Variants in XRCC6 observed in about 807,000 individuals in gnomAD.
XRCC6 encodes the protein DNA repair protein Ku70.
XRCC6 carries 5 observed loss-of-function variants against 65.7 expected under a neutral mutation model. The observed-to-expected ratio is 0.08, with a 90% CI of 0.04 to 0.16. The LOEUF (loss-of-function observed/expected upper bound fraction) is 0.16, where lower values mean the gene tolerates loss of function less well. Ranked by LOEUF, XRCC6 falls within the 10% of genes least tolerant of loss-of-function variation. The probability of loss-of-function intolerance (pLI) is 1.00; values close to 1 mark genes in which losing one functional copy is unlikely to be tolerated. For synonymous variants in XRCC6, 270 were observed against 270.6 expected, an observed-to-expected ratio of 1.00 and a Z score of 0.02; for missense variants, 447 against 738.1, an observed-to-expected ratio of 0.61 and a Z score of 4.57.
chr22:41,631,875 C>T (rs189142440), intron 3 of XRCC6, among the ~76,000 whole-genome samples: 2,892 of 152,250 alleles, frequency 0.019, 85 homozygotes, highest in African/African-American at 0.065. Flanking sequence ...TCTGCAATCC[C>T]GGCACCTCCG....
chr22:41,637,926 C>T, intron 6 of XRCC6, 135 bp downstream of exon 6: 1 of 859,156 alleles, frequency 1.2e-6, no homozygotes, highest in South Asian at 2.5e-5. Context: ...GGAGTTGAGA[C>T]CAGCTTGGGC....
intron 9 of XRCC6, among the ~76,000 whole-genome samples, chr22:41,655,689 ACT>A (rs1213464737): frequency 2.1e-5 from 3 of 145,684 alleles, no homozygotes; most frequent in Non-Finnish European, 4.5e-5. Flanking sequence ...ACAGAGCGAG[ACT>A]CTGTCTCAAA....
chr22:41,633,609 C>T (rs1356039064), intron 3 of XRCC6, among the ~76,000 whole-genome samples: 1 of 152,104 alleles, frequency 6.6e-6, no homozygotes, highest in East Asian at 1.9e-4. Flanking sequence ...TCTCCATCTC[C>T]TGACCTCGTG....
At chr22:41,633,398 T>A (rs1246435814) in intron 3 of XRCC6, among the ~76,000 whole-genome samples, 1 of 133,138 alleles carries the variant, frequency 7.5e-6, no homozygotes, top group African/African-American at 3.1e-5. Flanking sequence ...CGTGGACCTA[T>A]TTTTTTTTTT....
chr22:41,641,517 A>G (rs1264283303), intron 6 of XRCC6, among the ~76,000 whole-genome samples: 3 of 152,140 alleles, frequency 2.0e-5, no homozygotes, highest in East Asian at 3.9e-4. Context: ...TATTGACTAT[A>G]GTCACCCTGA....
At chr22:41,638,404 A>G (rs2067834389) in intron 6 of XRCC6, among the ~76,000 whole-genome samples, 1 of 152,184 alleles carries the variant, frequency 6.6e-6, no homozygotes, top group Non-Finnish European at 1.5e-5. Context: ...ACAAACCTGT[A>G]TAGCATATTA....
chr22:41,658,430 C>T, intron 11 of XRCC6, 78 bp downstream of exon 11: 1 of 1,349,210 alleles, frequency 7.4e-7, no homozygotes, highest in East Asian at 2.3e-5. Flanking sequence ...AATTTGGGTG[C>T]ATTTCCCAGT....
At chr22:41,638,692 C>T (rs1443329527) in intron 6 of XRCC6, among the ~76,000 whole-genome samples, 3 of 146,532 alleles carry the variant, frequency 2.0e-5, no homozygotes, top group Admixed American at 1.4e-4. Flanking sequence ...GGCTGAGAAT[C>T]GCTTGAACCC....
chr22:41,644,411 GTTCT>G (rs2067910085), intron 6 of XRCC6, among the ~76,000 whole-genome samples: 1 of 151,830 alleles, frequency 6.6e-6, no homozygotes, highest in Admixed American at 6.6e-5. Context: ...GTTATTTTAC[GTTCT>G]TTTTTTCCCC....
chr22:41,647,966 G>C (rs78392319), intron 7 of XRCC6: 1 of 143,630 alleles, frequency 7.0e-6, no homozygotes, highest in African/African-American at 2.5e-5. Flanking sequence ...TTTCATATGT[G>C]CATCTTTCCT....
At chr22:41,652,966 C>T (rs572281087) in intron 8 of XRCC6, among the ~76,000 whole-genome samples, 3 of 152,286 alleles carry the variant, frequency 2.0e-5, no homozygotes, top group African/African-American at 7.2e-5. Context: ...GCCACCATGC[C>T]CGGCCATAAT....
chr22:41,645,410 A>G (rs891961507), intron 6 of XRCC6, among the ~76,000 whole-genome samples: 12 of 152,158 alleles, frequency 7.9e-5, no homozygotes, highest in African/African-American at 2.9e-4. Context: ...GCAGGAACTA[A>G]TGACAGTGTC....
In XRCC6 at chr22:41,658,303, G is replaced by A; in HGVS notation, c.1473G>A (p.Glu491=). 6.2e-7 allele frequency: 1 copy of A among 1,614,072 alleles called. No homozygotes were observed. The highest frequency in any genetic ancestry group is 8.5e-7 in the Non-Finnish European group (1 of 1,180,004). The change falls in exon 11 of 13, where the codon GAG becomes GAA. Residue 491 remains glutamate (E), a synonymous_variant. Coordinates refer to ENST00000360079, the MANE Select transcript of XRCC6 (RefSeq NM_001469.5). The stretch of plus-strand genomic sequence containing the variant: ...TGCAGCAGCACTTCAGGAACCTGGA[G>A]GCCTTGGCCTTGGATTTGATGGAGC... ...PVLQQHFRNL[E]ALALDLMEPE... is the part of the protein sequence containing the mutation.
chr22:41,649,280 C>T (rs1229029237), intron 7 of XRCC6, among the ~76,000 whole-genome samples: 3 of 150,536 alleles, frequency 2.0e-5, no homozygotes, highest in African/African-American at 7.3e-5. Flanking sequence ...GATCCTCCCA[C>T]CTCAGCCACC....
At position 41,663,959 on chromosome 22, in the gene XRCC6, G is replaced by T; in HGVS notation, c.*144G>T. The T allele has an allele frequency of 1.1e-6, 1 of 884,434 alleles. No homozygotes were observed. Among genetic ancestry groups the T allele is most frequent in the African/African-American group, 1.7e-5 (1 of 59,268 alleles). 54.8% of individuals were successfully genotyped at this position (884,434 alleles called of 1,614,324 possible). ...GGACTTTATGTTTTTGAGGCTTTCTGTTGCCATGGTGATGGTGTAGCCCTC... is the reference window on the plus strand; with the variant it reads ...GGACTTTATGTTTTTGAGGCTTTCTTTTGCCATGGTGATGGTGTAGCCCTC... On this transcript the variant is annotated 3_prime_UTR_variant, in exon 13 of 13. Transcript: ENST00000360079.
chr22:41,653,961 A>G (rs560038263), intron 9 of XRCC6, among the ~76,000 whole-genome samples: 49 of 152,154 alleles, frequency 3.2e-4, no homozygotes, highest in Non-Finnish European at 4.4e-4. Flanking sequence ...GATTACTGAC[A>G]CAAGTTCTTG....
chr22:41,637,511 G>T, intron 5 of XRCC6, 97 bp from the exon 6 acceptor site: 1 of 1,131,650 alleles, frequency 8.8e-7, no homozygotes, highest in Non-Finnish European at 1.2e-6. Context: ...TAGTTTTCAG[G>T]GAGCTTTTAA....
Position 41,650,818 on chromosome 22 carries a change from G to A in XRCC6, c.1056G>A (p.Pro352=), listed in dbSNP as rs550596546. 2.1e-5 allele frequency: 34 copies of A among 1,613,994 alleles called. No homozygotes were observed. The East Asian group carries it at 4.9e-4, about 23-fold the overall frequency. ...GTTTGATGCTCATGGGTTTCAAGCC[G>A]TTGGTACTGCTGAAGAAACACCATT... ...DPGLMLMGFK[P]LVLLKKHHYL... The change falls in exon 8 of 13, where the codon CCG becomes CCA. Residue 352 remains proline (P), a synonymous_variant. Transcript: ENST00000360079.
chr22:41,656,210 T>G (rs2068043163), intron 9 of XRCC6, among the ~76,000 whole-genome samples: 1 of 104,980 alleles, frequency 9.5e-6, no homozygotes, highest in East Asian at 3.9e-4. Flanking sequence ...AGCAAGATCC[T>G]GTCTCAAAAA....
Sources: allele counts gnomAD v4.1 joint callset (sites outside exome capture counted in the v4.1 genomes callset), GRCh38; gene constraint gnomAD v4.1.1; transcripts MANE v1.5; gene names NCBI Gene and HGNC (gene_info 2026-07-23, HGNC 2026-07-21).